The following CNTN5 variants were observed in gnomAD, a reference collection of about 807,000 sequenced individuals.
The protein encoded by CNTN5 is contactin-5.
A neutral mutation model predicts 129.1 loss-of-function variants in CNTN5; 77 were observed. That is an observed-to-expected ratio of 0.60 (90% CI 0.50 to 0.72). The LOEUF (loss-of-function observed/expected upper bound fraction) is 0.72, where lower values mean the gene tolerates loss of function less well. CNTN5 is among the 30% of genes least tolerant of loss of function. CNTN5 has a pLI of 0.00. For synonymous variants in CNTN5, 509 were observed against 465.6 expected (o/e 1.09, Z -1.20); for missense variants, 1,478 against 1,328.8 (o/e 1.11, Z -1.75).
intron 3 of CNTN5, among the ~76,000 whole-genome samples, chr11:99,819,149 C>A (rs563909902): frequency 6.6e-6 from 1 of 151,338 alleles, no homozygotes; most frequent in Non-Finnish European, 1.5e-5. Flanking sequence ...TTAAGGTAAA[C>A]TTTTAAAAGT....
chr11:99,383,322 C>G (rs1940717447), intron 2 of CNTN5, among the ~76,000 whole-genome samples: 3 of 152,000 alleles, frequency 2.0e-5, no homozygotes, highest in Admixed American at 2.0e-4. Context: ...CAGACTGGTC[C>G]CATATGTCTA....
chr11:99,858,869 A>C (rs1948122080), intron 6 of CNTN5, among the ~76,000 whole-genome samples: 6 of 152,136 alleles, frequency 3.9e-5, no homozygotes, highest in Admixed American at 3.9e-4. Context: ...AATTGATAAG[A>C]TTTATTGAGT....
intron 10 of CNTN5, among the ~76,000 whole-genome samples, chr11:100,062,425 T>C (rs1394102257): frequency 1.3e-5 from 2 of 152,214 alleles, no homozygotes; most frequent in East Asian, 3.8e-4. Context: ...TCTAACCAAA[T>C]TGATTATGCA....
At chr11:99,546,831 A>C (rs1212063704) in intron 2 of CNTN5, among the ~76,000 whole-genome samples, 1 of 152,044 alleles carries the variant, frequency 6.6e-6, no homozygotes, top group East Asian at 1.9e-4. Context: ...TTGGACACGC[A>C]AAGCCCATTC....
chr11:100,356,284 T>A lies in CNTN5; in HGVS notation c.*64T>A. 2 of 1,099,986 alleles carry A rather than the reference T, an allele frequency of 1.8e-6. No individual in the cohort carries two copies. Among genetic ancestry groups the A allele is most frequent in the Non-Finnish European group, 2.7e-6 (2 of 737,364 alleles). 68.1% of individuals were successfully genotyped at this position (1,099,986 alleles called of 1,614,324 possible). On this transcript the variant is annotated 3_prime_UTR_variant, in exon 25 of 25. Transcript: ENST00000524871. ...GGTAACAGCGGTGAATAGAGTGTAG[T>A]GTAAGTGGAGAACCAGGATCCTGAG...
intron 7 of CNTN5, among the ~76,000 whole-genome samples, chr11:99,935,792 C>G (rs1591446253): frequency 6.6e-6 from 1 of 152,102 alleles, no homozygotes; most frequent in South Asian, 2.1e-4. Context: ...TCTCAGCCTG[C>G]TGGTAATCTT....
rs150784278 is a variant in CNTN5 at position 99,235,218 on chromosome 11, C to G, written c.-209-90128C>G. Among the ~76,000 whole-genome samples the G allele has an allele frequency of 3.4e-3, 514 of 151,514 alleles. 2 individuals carry two copies. Among genetic ancestry groups the G allele is most frequent in the African/African-American group, 0.012 (494 of 41,322 alleles). Reference sequence around the variant, plus strand: ...TTAGGAAGCTGAAGATAGCACATAACAAATTATATTTTACTATATACTAAA... The same window carrying G: ...TTAGGAAGCTGAAGATAGCACATAAGAAATTATATTTTACTATATACTAAA... On this transcript the variant is annotated intron_variant, in intron 1 of 24. Transcript: ENST00000524871.
chr11:99,870,818 G>A (rs1037480251), intron 6 of CNTN5, among the ~76,000 whole-genome samples: 1 of 152,000 alleles, frequency 6.6e-6, no homozygotes, highest in African/African-American at 2.4e-5. Context: ...ATATACTTTG[G>A]AAGAGGTTCA....
chr11:100,167,193 CAAAA>C (rs778660029), intron 13 of CNTN5, among the ~76,000 whole-genome samples: 1 of 149,602 alleles, frequency 6.7e-6, no homozygotes, highest in Non-Finnish European at 1.5e-5. Context: ...CAAAAACAAA[CAAAA>C]AAAAATTAAA....
chr11:100,067,884 T>G (rs898016352), intron 10 of CNTN5, among the ~76,000 whole-genome samples: 1 of 152,082 alleles, frequency 6.6e-6, no homozygotes, highest in Non-Finnish European at 1.5e-5. Flanking sequence ...TTTGTATTAA[T>G]GTCATTAATC....
chr11:100,152,952 T>C (rs1455097153), intron 13 of CNTN5, among the ~76,000 whole-genome samples: 3 of 152,002 alleles, frequency 2.0e-5, no homozygotes, highest in Non-Finnish European at 4.4e-5. Flanking sequence ...ATCACCATAA[T>C]GAAGACATCA....
intron 3 of CNTN5, among the ~76,000 whole-genome samples, chr11:99,750,247 A>G (rs1944187367): frequency 6.6e-6 from 1 of 152,152 alleles, no homozygotes; most frequent in African/African-American, 2.4e-5. Context: ...ATGTCTTTTC[A>G]TCACAAAAGA....
intron 1 of CNTN5, among the ~76,000 whole-genome samples, chr11:99,290,486 A>G (rs1864122210): frequency 6.6e-6 from 1 of 151,904 alleles, no homozygotes; most frequent in East Asian, 1.9e-4. Context: ...GCCTCATCAG[A>G]GTTCTCTGCA....
chr11:100,255,616 C>G, intron 16 of CNTN5, 144 bp from the exon 17 acceptor site: 1 of 675,178 alleles, frequency 1.5e-6, no homozygotes, highest in East Asian at 2.9e-5. Context: ...GCATCCATGA[C>G]TTTTTGTTGT....
chr11:100,207,060 A>G (rs1022523123), intron 15 of CNTN5, among the ~76,000 whole-genome samples: 6 of 152,146 alleles, frequency 3.9e-5, no homozygotes, highest in African/African-American at 1.4e-4. Context: ...TAATGTGTAC[A>G]GCATTAACCA....
At position 100,357,347 on chromosome 11, in the gene CNTN5, G is replaced by A. The variant is rs1321543542; in HGVS notation, c.*1127G>A. 1 of 151,710 alleles carries A rather than the reference G, an allele frequency of 6.6e-6. No individual in the cohort carries two copies. Among genetic ancestry groups the A allele is most frequent in the Admixed American group, 6.6e-5 (1 of 15,168 alleles). The allele number at this position is 151,710 out of a possible 1,614,324, so 9.4% of individuals were successfully genotyped here. On this transcript the variant is annotated 3_prime_UTR_variant, in exon 25 of 25. Transcript: ENST00000524871. ...TTTTTAATTAAGCTGTGGAAACATG[G>A]CATCAGTACAGGGATTCAGCTAGTC...
chr11:99,683,797 T>C (rs1953665264), intron 3 of CNTN5, among the ~76,000 whole-genome samples: 1 of 151,870 alleles, frequency 6.6e-6, no homozygotes, highest in Non-Finnish European at 1.5e-5. Context: ...TAGTCAGTAA[T>C]GCTTTCTTAA....
At chr11:100,185,230 T>G (rs148818775) in intron 13 of CNTN5, among the ~76,000 whole-genome samples, 4 of 152,266 alleles carry the variant, frequency 2.6e-5, no homozygotes, top group East Asian at 3.9e-4. Context: ...GGGGTTTTGT[T>G]GCTTGATCTG....
intron 1 of CNTN5, among the ~76,000 whole-genome samples, chr11:99,078,496 T>A (rs946540645): frequency 6.6e-6 from 1 of 152,232 alleles, no homozygotes; most frequent in Non-Finnish European, 1.5e-5. Flanking sequence ...ATTGTAGCAC[T>A]ATTCACAATA....
Sources: allele counts gnomAD v4.1 joint callset (sites outside exome capture counted in the v4.1 genomes callset), GRCh38; gene constraint gnomAD v4.1.1; transcripts MANE v1.5; gene names NCBI Gene and HGNC (gene_info 2026-07-23, HGNC 2026-07-21).